PDE4C: variants seen among roughly 807,000 people sequenced by gnomAD.
The protein encoded by PDE4C is phosphodiesterase 4C.
PDE4C carries 50 observed loss-of-function variants against 63.9 expected under a neutral mutation model. That is an observed-to-expected ratio of 0.78 (90% CI 0.62 to 0.99). The LOEUF is 0.99. PDE4C is among the 50% of genes least tolerant of loss of function. The pLI, the probability that PDE4C is intolerant of heterozygous loss-of-function variation, is 0.00. For missense variants in PDE4C, 777 were observed against 899.1 expected (o/e 0.86, Z 1.74); for synonymous variants, 377 against 385.1 (o/e 0.98, Z 0.25).
chr19:18,223,209 A>ATT (rs35666140), intron 1 of PDE4C, among the ~76,000 whole-genome samples: 4 of 129,130 alleles, frequency 3.1e-5, no homozygotes, highest in South Asian at 2.4e-4. Context: ...CGCCCGGCTA[A>ATT]TTTTTTTTTT....
chr19:18,217,177 C>A, intron 11 of PDE4C: 1 of 252,388 alleles, frequency 4.0e-6, no homozygotes, highest in Non-Finnish European at 7.5e-6. Flanking sequence ...TTTTCTTTTT[C>A]TTTTTTAGAG....
chr19:18,221,135 A>G lies in PDE4C; in HGVS notation c.419T>C (p.Leu140Pro), dbSNP rs1968464091. The change falls in exon 4 of 15, where the codon CTT becomes CCT. Residue 140 changes from leucine to proline, a missense_variant. Leu to Pro is a moderately conservative substitution (Grantham distance 98, BLOSUM62 -3). Around this residue, in one of 3 missense-constraint regions of PDE4C, gnomAD observed 249 missense variants for 247.8 expected, o/e 1.00. Transcript: ENST00000262805. The stretch of plus-strand genomic sequence containing the variant: ...TGCTCCTAGGCATTGCTGGCGGGCA[A>G]GGGCCGCCACGTTGCTCCGAACGGT... 2.0e-6 allele frequency: 3 copies of G among 1,510,734 alleles called. No homozygotes were observed. The highest frequency in any genetic ancestry group is 4.0e-5 in the Admixed American group (2 of 50,174). The allele number at this position is 1,510,734 out of a possible 1,614,324, so 93.6% of individuals were successfully genotyped here. A position where few individuals can be genotyped will look rare whatever the true frequency, so the allele number is the denominator to read the frequency against.
chr19:18,228,953 A>G (rs1968795279), upstream of PDE4C, among the ~76,000 whole-genome samples: 1 of 151,982 alleles, frequency 6.6e-6, no homozygotes, highest in Admixed American at 6.6e-5. Flanking sequence ...TTATTTTTTG[A>G]GAACAGAGTT....
At chr19:18,222,883 A>G (rs1968555306) in intron 1 of PDE4C, among the ~76,000 whole-genome samples, 1 of 151,314 alleles carries the variant, frequency 6.6e-6, no homozygotes, top group African/African-American at 2.4e-5. Flanking sequence ...AATTTTTTGT[A>G]GAGACCAGGT....
chr19:18,208,787 G>C (rs1305937789), downstream of PDE4C: 1 of 152,180 alleles, frequency 6.6e-6, no homozygotes, highest in Non-Finnish European at 1.5e-5. Context: ...TCAGGTTACA[G>C]AGGGGAAACT....
intron 7 of PDE4C, 160 bp from the exon 8 acceptor site, chr19:18,219,557 C>T: frequency 1.3e-6 from 1 of 750,866 alleles, no homozygotes; most frequent in Non-Finnish European, 2.1e-6. Context: ...GACGCAGTGG[C>T]TCACGCCTGT....
At chr19:18,208,511 C>A (rs1421782727), downstream of PDE4C, 1 of 148,482 alleles carries the variant, frequency 6.7e-6, no homozygotes, top group Non-Finnish European at 1.5e-5. Context: ...CGCCGTGTCT[C>A]CCACGCCCGC....
At chr19:18,233,476 A>G (rs1968895245) in exon 1 of PDE4C, 1 of 665,784 alleles carries the variant, frequency 1.5e-6, no homozygotes, top group African/African-American at 1.8e-5. Context: ...CCCCCCCAAC[A>G]CACCAGCCCC....
chr19:18,221,076 G>GCGC, intron 4 of PDE4C, 29 bp downstream of exon 4: 1 of 724,478 alleles, frequency 1.4e-6, no homozygotes, highest in Non-Finnish European at 2.0e-6. Flanking sequence ...TGCCGGCCCC[G>GCGC]CCCCCGCCCC....
chr19:18,223,989 C>T (rs993073688), intron 1 of PDE4C, among the ~76,000 whole-genome samples: 2 of 152,210 alleles, frequency 1.3e-5, no homozygotes, highest in African/African-American at 4.8e-5. Context: ...CCCAGCTAGC[C>T]GGGTCCTGCC....
intron 1 of PDE4C, among the ~76,000 whole-genome samples, chr19:18,223,467 C>A (rs1056738939): frequency 2.0e-5 from 3 of 152,136 alleles, no homozygotes; most frequent in Non-Finnish European, 4.4e-5. Context: ...GCCTTGGCCT[C>A]CCAAAGTGCT....
chr19:18,245,347 T>C (rs1969111466), intron 1 of PDE4C, among the ~76,000 whole-genome samples: 3 of 151,814 alleles, frequency 2.0e-5, no homozygotes, highest in Admixed American at 2.0e-4. Flanking sequence ...GTATTTTTAG[T>C]AGAGACAGGG....
chr19:18,217,168 TTTC>T, intron 11 of PDE4C: 26 of 276,186 alleles, frequency 9.4e-5, no homozygotes, highest in Non-Finnish European at 1.4e-4. Context: ...GTTTTTTTTT[TTTC>T]TTTTTCTTTT....
upstream of PDE4C, among the ~76,000 whole-genome samples, chr19:18,251,341 G>C (rs1375974370): frequency 6.6e-6 from 1 of 151,210 alleles, no homozygotes; most frequent in Non-Finnish European, 1.5e-5. Context: ...GGCCAGGCTG[G>C]TCTTGAACTC....
chr19:18,250,820 C>T (rs1260590864), upstream of PDE4C, among the ~76,000 whole-genome samples: 4 of 149,904 alleles, frequency 2.7e-5, no homozygotes, highest in Non-Finnish European at 3.0e-5. Context: ...GTCACACAGG[C>T]TGGAGTGCAG....
intron 1 of PDE4C, among the ~76,000 whole-genome samples, chr19:18,245,523 G>C (rs1969114173): frequency 6.6e-6 from 1 of 152,114 alleles, no homozygotes; most frequent in Non-Finnish European, 1.5e-5. Context: ...CATCTGCCGG[G>C]GACACCCTTC....
At chr19:18,216,674 T>C in intron 12 of PDE4C, 67 bp downstream of exon 12, 1 of 1,461,612 alleles carries the variant, frequency 6.8e-7, no homozygotes. Context: ...CACCCTGCTG[T>C]CTGCAGATGA....
intron 1 of PDE4C, among the ~76,000 whole-genome samples, chr19:18,223,658 CAT>C (rs1968594384): frequency 6.6e-6 from 1 of 152,212 alleles, no homozygotes; most frequent in South Asian, 2.1e-4. Context: ...CTGTTTCTAA[CAT>C]GTGCGTGATG....
At chr19:18,212,937 C>T (rs1473198345) in intron 13 of PDE4C, among the ~76,000 whole-genome samples, 10 of 141,080 alleles carry the variant, frequency 7.1e-5, no homozygotes, top group Middle Eastern at 4.7e-3. Context: ...CTGCCTGCCT[C>T]GGCCTCCCAA....
Sources: allele counts gnomAD v4.1 joint callset (sites outside exome capture counted in the v4.1 genomes callset), GRCh38; gene constraint gnomAD v4.1.1; regional missense constraint gnomAD v4.1.1; transcripts MANE v1.5; gene names NCBI Gene and HGNC (gene_info 2026-07-23, HGNC 2026-07-21).